DNMBP: variants seen among roughly 807,000 people sequenced by gnomAD.
DNMBP encodes dynamin binding protein.
In DNMBP, 87 loss-of-function variants were observed where a neutral mutation model predicts 150.0. That is an observed-to-expected ratio of 0.58 (90% CI 0.49 to 0.69). The LOEUF is 0.69. DNMBP is among the 30% of genes least tolerant of loss of function. The pLI is 0.00. For missense variants in DNMBP, 1,774 were observed against 1,949.0 expected, an observed-to-expected ratio of 0.91 and a Z score of 1.69; for synonymous variants, 711 against 750.4, an observed-to-expected ratio of 0.95 and a Z score of 0.86.
intron 1 of DNMBP, among the ~76,000 whole-genome samples, chr10:99,979,510 T>C (rs746535815): frequency 2.0e-5 from 3 of 152,190 alleles, no homozygotes; most frequent in Non-Finnish European, 2.9e-5. Flanking sequence ...CTTCCTGGTG[T>C]TGTGTGGGAG....
chr10:99,918,602 T>TGTCGCCCAGGCTAGA (rs2039991743), intron 4 of DNMBP, among the ~76,000 whole-genome samples: 2 of 130,890 alleles, frequency 1.5e-5, no homozygotes, highest in South Asian at 4.9e-4. Context: ...GGAGTCTCAC[T>TGTCGCCCAGGCTAGA]GTCGCCCAGG....
At chr10:99,915,628 T>C (rs1589416331) in intron 4 of DNMBP, among the ~76,000 whole-genome samples, 1 of 152,076 alleles carries the variant, frequency 6.6e-6, no homozygotes, top group Non-Finnish European at 1.5e-5. Context: ...AGTGGGAGGA[T>C]CACCTGGGCC....
intron 1 of DNMBP, among the ~76,000 whole-genome samples, chr10:100,005,786 C>CAAAAAAAAAAAAAAAAAAAAAAAAGAAA (rs1589458237): frequency 9.9e-6 from 1 of 101,084 alleles, no homozygotes; most frequent in Non-Finnish European, 1.9e-5. Flanking sequence ...AAAAAAAAAC[C>CAAAAAAAAAAAAAAAAAAAAAAAAGAAA]AAACTACATA....
chr10:99,994,844 T>C (rs1416119100), intron 1 of DNMBP, among the ~76,000 whole-genome samples: 1 of 152,180 alleles, frequency 6.6e-6, no homozygotes, highest in Non-Finnish European at 1.5e-5. Context: ...TGCAATAGCT[T>C]CCTAAATGGC....
rs547392699 is a variant in DNMBP, at chr10:99,942,068, G to A, written c.2260+13146C>T. Among the ~76,000 whole-genome samples, 8 of 152,190 alleles carry A rather than the reference G, an allele frequency of 5.3e-5. No individual in the cohort carries two copies. In the South Asian group the frequency reaches 8.3e-4, roughly 16 times the overall value. ...CTAAATGATGAACTACAACTGTGCC[G>A]TTGCTCTAGCTGAACCAGTCTCCTT... is the stretch of plus-strand genomic sequence containing the variant. On this transcript the variant is annotated intron_variant, in intron 4 of 16. Transcript: ENST00000324109.
At chr10:99,969,748 G>C (rs1419501981) in intron 2 of DNMBP, among the ~76,000 whole-genome samples, 2 of 152,128 alleles carry the variant, frequency 1.3e-5, no homozygotes, top group African/African-American at 4.8e-5. Flanking sequence ...CAGTTGGAAA[G>C]TATCAGAAAG....
intron 11 of DNMBP, among the ~76,000 whole-genome samples, chr10:99,891,317 G>C (rs1395352197): frequency 6.7e-6 from 1 of 150,012 alleles, no homozygotes. Flanking sequence ...CCCAGTGCCT[G>C]CGATTGCAGG....
chr10:99,966,765 G>A (rs1377813716), intron 3 of DNMBP, among the ~76,000 whole-genome samples: 3 of 151,964 alleles, frequency 2.0e-5, no homozygotes, highest in South Asian at 2.1e-4. Flanking sequence ...GCGTGGTGGC[G>A]TTTTCTCTCG....
intron 15 of DNMBP, 82 bp downstream of exon 15, chr10:99,883,929 C>A: frequency 7.4e-7 from 1 of 1,348,718 alleles, no homozygotes; most frequent in Non-Finnish European, 1.0e-6. Flanking sequence ...CTTTTTTTTC[C>A]TGGCCTAGTC....
chr10:99,931,369 G>C (rs778540523), intron 4 of DNMBP, among the ~76,000 whole-genome samples: 3 of 152,032 alleles, frequency 2.0e-5, no homozygotes, highest in Non-Finnish European at 4.4e-5. Flanking sequence ...TGCTTTTCTG[G>C]AATTGAAGTC....
At chr10:99,907,420 A>T in intron 6 of DNMBP, among the ~76,000 whole-genome samples, 1 of 150,818 alleles carries the variant, frequency 6.6e-6, no homozygotes, top group South Asian at 2.1e-4. Flanking sequence ...TCTTGAGACC[A>T]AGTCTTGCTC....
chr10:99,886,761 C>T (rs2133202848), intron 12 of DNMBP, 129 bp from the exon 13 acceptor site: 2 of 758,782 alleles, frequency 2.6e-6, no homozygotes, highest in East Asian at 5.2e-5. Context: ...ACAAGCTAAA[C>T]CCATACAGAT....
At chr10:99,976,549 A>G (rs1467178281) in intron 1 of DNMBP, among the ~76,000 whole-genome samples, 1 of 152,230 alleles carries the variant, frequency 6.6e-6, no homozygotes, top group Non-Finnish European at 1.5e-5. Context: ...AGGGGAGACC[A>G]CACGCATACT....
chr10:100,001,204 C>T (rs1399946477), intron 1 of DNMBP, among the ~76,000 whole-genome samples: 1 of 115,888 alleles, frequency 8.6e-6, no homozygotes, highest in African/African-American at 3.3e-5. Context: ...GCACTCCAGC[C>T]TGGAGGACAG....
Position 99,880,206 on chromosome 10 carries a change from AG to A in DNMBP, c.4152del (p.Phe1385SerfsTer38). 6.2e-7 allele frequency: 1 copy of A among 1,614,178 alleles called. No individual in the cohort carries two copies. The highest frequency in any genetic ancestry group is 8.5e-7 in the Non-Finnish European group (1 of 1,180,020). ...GATACAGCCATGCTGCTGGGGTTGA[AG>A]GTCAGGGTGCTGCCGCTGTTCTGGC... ...FPRQNSGSTLTFNPSSMAVSF... is the reference protein window; with the variant it reads ...FPRQNSGSTLXFNPSSMAVSF... On this transcript the variant is annotated frameshift_variant, in exon 16 of 17. Coordinates refer to ENST00000324109, the MANE Select transcript of DNMBP (RefSeq NM_015221.4). LOFTEE classifies it high-confidence loss of function.
chr10:99,931,685 A>T (rs1358211298), intron 4 of DNMBP, among the ~76,000 whole-genome samples: 1 of 152,250 alleles, frequency 6.6e-6, no homozygotes, highest in African/African-American at 2.4e-5. Flanking sequence ...GGCTATTTAA[A>T]TCAACAAATA....
intron 6 of DNMBP, among the ~76,000 whole-genome samples, chr10:99,900,699 C>T (rs1406096247): frequency 6.6e-6 from 1 of 152,024 alleles, no homozygotes; most frequent in African/African-American, 2.4e-5. Context: ...TGGCACATCT[C>T]GGCTCACTGC....
chr10:100,009,166 A>AAGTTG, intron 1 of DNMBP, among the ~76,000 whole-genome samples: 1 of 152,254 alleles, frequency 6.6e-6, no homozygotes, highest in South Asian at 2.1e-4. Context: ...TGCACTTAAA[A>AAGTTG]TTTAAGTCTA....
intron 4 of DNMBP, among the ~76,000 whole-genome samples, chr10:99,939,799 T>C (rs1019054162): frequency 1.3e-5 from 2 of 152,236 alleles, no homozygotes; most frequent in East Asian, 3.8e-4. Flanking sequence ...CTAAGATTAA[T>C]CTTTTGAGAT....
Sources: gnomAD v4.1 joint callset for allele counts (sites outside exome capture counted in the v4.1 genomes callset) on GRCh38, gnomAD v4.1.1 for gene constraint, MANE v1.5 for transcripts, NCBI Gene and HGNC (gene_info 2026-07-23, HGNC 2026-07-21) for gene names.